KMT2D: variants seen among roughly 807,000 people sequenced by gnomAD.
KMT2D encodes histone-lysine N-methyltransferase 2D.
A neutral mutation model predicts 512.7 loss-of-function variants in KMT2D; 55 were observed. The ratio of observed to expected loss-of-function variants is 0.11; its 90% confidence interval spans 0.09 to 0.13. KMT2D has a LOEUF of 0.13. KMT2D is among the 10% of genes least tolerant of loss of function. KMT2D has a pLI of 1.00. For missense variants in KMT2D, 6,061 were observed against 7,127.9 expected (o/e 0.85, Z 5.39); for synonymous variants, 2,995 against 2,904.0 (o/e 1.03, Z -1.01).
chr12:49,043,588 A>C, intron 24 of KMT2D, 47 bp downstream of exon 24: 1 of 1,609,946 alleles, frequency 6.2e-7, no homozygotes, highest in South Asian at 1.1e-5. Context: ...CTCCTAAGCC[A>C]GAAGAAAGTT....
In KMT2D at chr12:49,051,650, G is replaced by T. The variant is rs1592155817; in HGVS notation, c.2033C>A (p.Ser678Tyr). ...AGCCTCAGGTGGAGGGGACGTGGGA[G>T]ACTCCTCAGGCGGTGGGGACAAGGG... ...ESPLSPPPEE[S>Y]PTSPPPEASR... Residue 678 changes from serine to tyrosine, a missense_variant, in exon 11 of 55, where the codon TCT becomes TAT. This residue lies in a region of KMT2D where 848 missense variants were observed against 838.5 expected (regional missense o/e 1.01). Transcript: ENST00000301067. The T allele has an allele frequency of 1.9e-6, 3 of 1,572,472 alleles. No individual in the cohort carries two copies. The highest frequency in any genetic ancestry group is 2.6e-6 in the Non-Finnish European group (3 of 1,156,838).
chr12:49,020,094 C>A lies in KMT2D; in HGVS notation c.*1686G>T. 1 of 194,686 alleles carries A rather than the reference C, an allele frequency of 5.1e-6. No homozygotes were observed. The highest frequency in any genetic ancestry group is 1.1e-5 in the Non-Finnish European group (1 of 92,994). The allele number at this position is 194,686 out of a possible 1,614,324, so 12.1% of individuals were successfully genotyped here. A position where few individuals can be genotyped will look rare whatever the true frequency, so the allele number is the denominator to read the frequency against. On this transcript the variant is annotated 3_prime_UTR_variant, in exon 55 of 55. Coordinates refer to ENST00000301067, the MANE Select transcript of KMT2D (RefSeq NM_003482.4). ...ACCCACCCCTTACCTACTCCCACCC[C>A]CAGGAAGAGGTTCAACTGCAGCACA... is the stretch of plus-strand genomic sequence containing the variant.
At chr12:49,027,530 A>C (rs1249789458) in intron 48 of KMT2D, among the ~76,000 whole-genome samples, 2 of 151,602 alleles carry the variant, frequency 1.3e-5, no homozygotes, top group Non-Finnish European at 2.9e-5. Flanking sequence ...GCTCACTGCA[A>C]CCTCTGCCTC....
In KMT2D at chr12:49,039,323, C is replaced by T. The variant is rs1592132855; in HGVS notation, c.8265G>A (p.Lys2755=). 6.2e-7 allele frequency: 1 copy of T among 1,613,524 alleles called. No individual in the cohort carries two copies. The highest frequency in any genetic ancestry group is 1.7e-5 in the Admixed American group (1 of 59,962). ...CTGGCCCCAGGATGGGGCCACTCAG[C>T]TTGCTTGGGGGCAACCCCACAAGGC... ...KSSLVGLPPS[K]LSGPILGPGS... The change falls in exon 34 of 55, where the codon AAG becomes AAA. Residue 2755 remains lysine (K), a synonymous_variant. Transcript: ENST00000301067. This position sits in a 1 kb window ranked among gnomAD's most constrained non-coding sequence, Gnocchi z 5.0.
At position 49,038,072 on chromosome 12, in the gene KMT2D, C is replaced by G. The variant is rs1943314097; in HGVS notation, c.9284G>C (p.Gly3095Ala). Residue 3095 changes from glycine (G) to alanine (A), a missense_variant, in exon 35 of 55, where the codon GGC (glycine) becomes GCC (alanine). Around this residue, in one of 16 missense-constraint regions of KMT2D, gnomAD observed 533 missense variants for 539.6 expected, o/e 0.99. Transcript: ENST00000301067. The surrounding 1 kb of genome is among the most constrained non-coding windows in gnomAD (Gnocchi z 5.7). ...AGCAGGGGGAGGGCGCTCCTCAGGG[C>G]CCAAGGGTCCTGGCTCCACCCCCCG... is the stretch of plus-strand genomic sequence containing the variant. ...LLRGVEPGPL[G>A]PEERPPPAAD... 1.2e-6 allele frequency: 2 copies of G among 1,613,294 alleles called. No individual in the cohort carries two copies.
rs766229129 is a variant in KMT2D at position 49,045,009 on chromosome 12, AG to A, written c.4742-45del. On this transcript the variant is annotated intron_variant, in intron 19 of 54. Coordinates refer to ENST00000301067, the MANE Select transcript of KMT2D (RefSeq NM_003482.4). ...TATGTGATCCCTGGATGGAAGCCCC[AG>A]GGAAACCAGAACTGCAAGTTTCAAC... 5.1e-6 allele frequency: 8 copies of A among 1,566,206 alleles called. No homozygotes were observed. The South Asian group carries it at 7.8e-5, about 15-fold the overall frequency.
rs1381761626 is a variant in KMT2D at position 49,044,028 on chromosome 12, G to A, written c.5189-30C>T. The A allele has an allele frequency of 6.2e-7, 1 of 1,612,118 alleles. No individual in the cohort carries two copies. Among genetic ancestry groups the A allele is most frequent in the Non-Finnish European group, 8.5e-7 (1 of 1,178,620 alleles). ...GGACAGAACGGAAGTGTCAGACTCG[G>A]GTTGAGAGCATGCTGCTCCCAACTT... On this transcript the variant is annotated intron_variant, in intron 22 of 54. Transcript: ENST00000301067. The surrounding 1 kb of genome is among the most constrained non-coding windows in gnomAD (Gnocchi z 6.4).
At position 49,034,670 on chromosome 12, in the gene KMT2D, G is replaced by A; in HGVS notation, c.10356-4C>T. 2 of 1,612,880 alleles carry A rather than the reference G, an allele frequency of 1.2e-6. No individual in the cohort carries two copies. The highest frequency in any genetic ancestry group is 1.7e-4 in the Middle Eastern group (1 of 6,056). ...GGCTAGCAGAGACACTTGCTGTCTG[G>A]AGTCCACCAAAGCACAGAAGATAAG... On this transcript the variant is annotated splice_region_variant and splice_polypyrimidine_tract_variant and intron_variant, in intron 36 of 54. Coordinates refer to ENST00000301067, the MANE Select transcript of KMT2D (RefSeq NM_003482.4).
rs549991458 is a variant in KMT2D at position 49,053,740 on chromosome 12, C to T, written c.674-99G>A. On this transcript the variant is annotated intron_variant, in intron 6 of 54. Coordinates refer to ENST00000301067, the MANE Select transcript of KMT2D (RefSeq NM_003482.4). ...AGGCACTCCATGGGCACAGAATGAA[C>T]AAACAACAAAGTTACTGAGTGCCTG... 180 of 1,366,982 alleles carry T rather than the reference C, an allele frequency of 1.3e-4. No homozygotes were observed. In the Middle Eastern group the frequency reaches 2.9e-3, roughly 22 times the overall value. 84.7% of individuals were successfully genotyped at this position (1,366,982 alleles called of 1,614,324 possible). A position where few individuals can be genotyped will look rare whatever the true frequency, so the allele number is the denominator to read the frequency against.
In KMT2D at chr12:49,019,036, C is replaced by T; in HGVS notation, c.*2744G>A. On this transcript the variant is annotated 3_prime_UTR_variant, in exon 55 of 55. Coordinates refer to ENST00000301067, the MANE Select transcript of KMT2D (RefSeq NM_003482.4). ...AAAACAAACTTGGAAGAAGCAAAAT[C>T]CAAAACTTGCCCTTTGCCTCTCGCA... 7.3e-7 allele frequency: 1 copy of T among 1,372,402 alleles called. No homozygotes were observed. Among genetic ancestry groups the T allele is most frequent in the Non-Finnish European group, 9.4e-7 (1 of 1,064,342 alleles). The allele number at this position is 1,372,402 out of a possible 1,614,324, so 85.0% of individuals were successfully genotyped here.
At chr12:49,055,126 G>C (rs948518078) in intron 2 of KMT2D, 100 bp from the exon 3 acceptor site, 96 of 1,561,304 alleles carry the variant, frequency 6.1e-5, no homozygotes, top group Admixed American at 1.5e-4. Context: ...GAGTGGATCA[G>C]AGTGATGATA....
In KMT2D at chr12:49,042,709, G is replaced by A. The variant is rs763491501; in HGVS notation, c.5782+32C>T. 1.9e-6 allele frequency: 3 copies of A among 1,609,338 alleles called. No homozygotes were observed. The highest frequency in any genetic ancestry group is 2.5e-6 in the Non-Finnish European group (3 of 1,176,694). On this transcript the variant is annotated intron_variant, in intron 27 of 54. Transcript: ENST00000301067. The surrounding 1 kb of genome is among the most constrained non-coding windows in gnomAD (Gnocchi z 4.4). ...CCATCCTGGAGGCAAGCTTGGTTAT[G>A]TCAGTCTTCAGACCACTCCCACCTG... is the stretch of plus-strand genomic sequence containing the variant.
rs1484025785 is a variant in KMT2D at position 49,040,343 on chromosome 12, T to C, written c.7427A>G (p.Glu2476Gly). The change falls in exon 32 of 55, where the codon GAA becomes GGA. Residue 2476 changes from glutamate (E) to glycine (G), a missense_variant. Around this residue, in one of 16 missense-constraint regions of KMT2D, gnomAD observed 710 missense variants for 647.3 expected, o/e 1.10. Coordinates refer to ENST00000301067, the MANE Select transcript of KMT2D (RefSeq NM_003482.4). The stretch of plus-strand genomic sequence containing the variant: ...TAGAGACCCAGCCTTAAAGGCAACT[T>C]CAGGGGGCTGGGGTCGGGGTGGCTT... Reference protein sequence around the residue: ...LHKPPRPQPPEVAFKAGSLAH... With the variant: ...LHKPPRPQPPGVAFKAGSLAH... 6.4e-7 allele frequency: 1 copy of C among 1,568,252 alleles called. No individual in the cohort carries two copies. Among genetic ancestry groups the C allele is most frequent in the Middle Eastern group, 1.7e-4 (1 of 5,820 alleles).
In KMT2D at chr12:49,022,544, T is replaced by A. The variant is rs774135342; in HGVS notation, c.16338+46A>T. ...GACCAATCCTGCCCTTGCTCCTTGGTTGAGTGCAGACTATGCACCACAATG... is the reference window on the plus strand; with the variant it reads ...GACCAATCCTGCCCTTGCTCCTTGGATGAGTGCAGACTATGCACCACAATG... On this transcript the variant is annotated intron_variant, in intron 52 of 54. Coordinates refer to ENST00000301067, the MANE Select transcript of KMT2D (RefSeq NM_003482.4). This position sits in a 1 kb window ranked among gnomAD's most constrained non-coding sequence, Gnocchi z 8.6. 5.7e-6 allele frequency: 9 copies of A among 1,590,784 alleles called. No homozygotes were observed. The highest frequency in any genetic ancestry group is 3.8e-4 in the Middle Eastern group (2 of 5,298).
chr12:49,028,860 C>T lies in KMT2D; in HGVS notation c.14350G>A (p.Val4784Ile), dbSNP rs2120386878. 1.2e-6 allele frequency: 2 copies of T among 1,614,036 alleles called. No individual in the cohort carries two copies. The highest frequency in any genetic ancestry group is 1.7e-6 in the Non-Finnish European group (2 of 1,179,902). The change falls in exon 46 of 55, where the codon GTC becomes ATC. Residue 4784 changes from valine (V) to isoleucine (I), a missense_variant. Transcript: ENST00000301067. ...WEKGKGSEVS[V>I]MLTVSAAAAK... Reference sequence around the variant, plus strand: ...GCAGCAGCAGAGACTGTGAGCATGACTGACACCTCACTTCCTTTGCCCTTT... The same window carrying T: ...GCAGCAGCAGAGACTGTGAGCATGATTGACACCTCACTTCCTTTGCCCTTT...
chr12:49,060,410 C>T lies in KMT2D; in HGVS notation c.-835G>A, dbSNP rs1413824750. On this transcript the variant is annotated 5_prime_UTR_variant, in exon 1 of 55. Coordinates refer to ENST00000301067, the MANE Select transcript of KMT2D (RefSeq NM_003482.4). The stretch of plus-strand genomic sequence containing the variant: ...CCTCGGGAGCTGCCCCGCCCCCGGC[C>T]TGGCCGGCTCTGGTCGGTGGCACCC... Among the ~76,000 whole-genome samples the T allele has an allele frequency of 7.2e-5, 11 of 152,290 alleles. No individual in the cohort carries two copies. The highest frequency in any genetic ancestry group is 4.6e-4 in the Admixed American group (7 of 15,306).
chr12:49,033,771 T>C lies in KMT2D; in HGVS notation c.10934A>G (p.Gln3645Arg). The C allele has an allele frequency of 1.2e-6, 2 of 1,609,076 alleles. No individual in the cohort carries two copies. Among genetic ancestry groups the C allele is most frequent in the Non-Finnish European group, 1.7e-6 (2 of 1,177,838 alleles). Residue 3645 changes from glutamine (Q) to arginine (R), a missense_variant, in exon 40 of 55, where the codon CAG becomes CGG. Transcript: ENST00000301067. The part of the protein sequence containing the change: ...LLPGHGLQPP[Q>R]GPPGGQAGGL... The stretch of plus-strand genomic sequence containing the variant: ...TCCGGCTTGCCCACCCGGAGGCCCC[T>C]GTGGTGGCTGCAGCCCATGGCCAGG...
chr12:49,032,548 T>C lies in KMT2D; in HGVS notation c.12157A>G (p.Thr4053Ala), dbSNP rs995485937. 3 of 1,609,948 alleles carry C rather than the reference T, an allele frequency of 1.9e-6. No homozygotes were observed. The highest frequency in any genetic ancestry group is 2.7e-5 in the African/African-American group (2 of 74,820). Residue 4053 changes from threonine (T) to alanine (A), a missense_variant, in exon 40 of 55, where the codon ACT becomes GCT. Coordinates refer to ENST00000301067, the MANE Select transcript of KMT2D (RefSeq NM_003482.4). ...TCAGTGGCCATTGACTCAGGGGTAG[T>C]TCCTATTGCTAACGGCCCTCCCTGA... is the stretch of plus-strand genomic sequence containing the variant. Reference protein sequence around the residue: ...THQGGPLAIGTTPESMATEPG... With the variant: ...THQGGPLAIGATPESMATEPG...
At position 49,031,956 on chromosome 12, in the gene KMT2D, G is replaced by A. The variant is rs943791700; in HGVS notation, c.12749C>T (p.Thr4250Ile). 1.9e-6 allele frequency: 3 copies of A among 1,563,682 alleles called. No individual in the cohort carries two copies. The highest frequency in any genetic ancestry group is 2.6e-6 in the Non-Finnish European group (3 of 1,152,958). The change falls in exon 40 of 55, where the codon ACC becomes ATC. Residue 4250 changes from threonine to isoleucine, a missense_variant. Coordinates refer to ENST00000301067, the MANE Select transcript of KMT2D (RefSeq NM_003482.4). Reference protein sequence around the residue: ...TPPYQEPGTQTSPLQGLLGCQ... With the variant: ...TPPYQEPGTQISPLQGLLGCQ... ...GCCCAGGAGGCCCTGGAGGGGAGAG[G>A]TCTGGGTCCCAGGCTCCTGGTAGGG...
Sources: gnomAD v4.1 joint callset for allele counts (sites outside exome capture counted in the v4.1 genomes callset) on GRCh38, gnomAD v4.1.1 for gene constraint, gnomAD v4.1.1 regional missense constraint, Gnocchi (gnomAD v3.1) non-coding constraint, MANE v1.5 for transcripts, NCBI Gene and HGNC (gene_info 2026-07-23, HGNC 2026-07-21) for gene names.